Variants in ZNF536 observed in about 807,000 individuals in gnomAD.
ZNF536 encodes the protein zinc finger protein 536.
A neutral mutation model predicts 84.5 loss-of-function variants in ZNF536; 13 were observed. The observed-to-expected ratio is 0.15, with a 90% CI of 0.10 to 0.24. The LOEUF (loss-of-function observed/expected upper bound fraction) is 0.24, where lower values mean the gene tolerates loss of function less well. Ranked by LOEUF, ZNF536 falls within the 10% of genes least tolerant of loss-of-function variation. ZNF536 has a pLI of 1.00. For synonymous variants in ZNF536, 811 were observed against 742.5 expected, an observed-to-expected ratio of 1.09 and a Z score of -1.50; for missense variants, 1,536 against 1,747.5, an observed-to-expected ratio of 0.88 and a Z score of 2.16.
intron 2 of ZNF536, among the ~76,000 whole-genome samples, chr19:30,450,184 G>A (rs1388384964): frequency 6.6e-6 from 1 of 150,556 alleles, no homozygotes; most frequent in Non-Finnish European, 1.5e-5. Context: ...CCAGTAGACT[G>A]AGCACCCTAT....
chr19:30,525,971 A>G (rs992559201), intron 2 of ZNF536, among the ~76,000 whole-genome samples: 4 of 152,210 alleles, frequency 2.6e-5, no homozygotes, highest in Non-Finnish European at 5.9e-5. Context: ...CCTGCCCCCA[A>G]CCAGAGGCTG....
In ZNF536 at chr19:30,590,121, G is replaced by A. The variant is rs140878990; in HGVS notation, c.169+40607G>A. 8.1e-4 allele frequency among the ~76,000 whole-genome samples: 124 copies of A among 152,324 alleles called. 1 individual carries two copies. The highest frequency in any genetic ancestry group is 2.2e-3 in the African/African-American group (93 of 41,570). On this transcript the variant is annotated intron_variant, in intron 1 of 1. Transcript: ENST00000592773. ...CTCCTTCTCTCCAGCAGGCCTGGGC[G>A]GTGTTGATGTTGGCCATGTCAACCC... is the stretch of plus-strand genomic sequence containing the variant.
At chr19:30,499,701 A>G (rs1278584933) in intron 2 of ZNF536, among the ~76,000 whole-genome samples, 1 of 152,198 alleles carries the variant, frequency 6.6e-6, no homozygotes, top group African/African-American at 2.4e-5. Flanking sequence ...TTCTTTTCCT[A>G]CAGCAGTTGT....
intron 2 of ZNF536, among the ~76,000 whole-genome samples, chr19:30,307,992 A>G (rs1018785751): frequency 6.6e-6 from 1 of 152,248 alleles, no homozygotes; most frequent in African/African-American, 2.4e-5. Flanking sequence ...GCTTTATTTT[A>G]TGATATTAAA....
intron 3 of ZNF536, chr19:30,352,548 T>A (rs1363370354): frequency 1.3e-5 from 2 of 152,230 alleles, no homozygotes; most frequent in African/African-American, 4.8e-5. Context: ...TTCTGCCTTG[T>A]TGCGTTGACC....
At chr19:30,356,395 C>T (rs2048096534) in intron 3 of ZNF536, among the ~76,000 whole-genome samples, 1 of 152,240 alleles carries the variant, frequency 6.6e-6, no homozygotes. Flanking sequence ...TGTCCCGAGT[C>T]AGCCCCTCCG....
At chr19:30,652,027 G>T (rs969557426) in intron 1 of ZNF536, among the ~76,000 whole-genome samples, 5 of 152,312 alleles carry the variant, frequency 3.3e-5, no homozygotes, top group African/African-American at 9.6e-5. Flanking sequence ...CTGCTGAAAT[G>T]TCTCAGTCTT....
At chr19:30,480,601 A>C (rs577077438) in intron 2 of ZNF536, among the ~76,000 whole-genome samples, 1 of 152,170 alleles carries the variant, frequency 6.6e-6, no homozygotes, top group Non-Finnish European at 1.5e-5. Context: ...TAATGCATGC[A>C]GGGCTTAAAA....
intron 1 of ZNF536, among the ~76,000 whole-genome samples, chr19:30,655,217 A>T (rs1468858251): frequency 6.6e-6 from 1 of 152,176 alleles, no homozygotes; most frequent in Non-Finnish European, 1.5e-5. Context: ...ATCAGCACTT[A>T]ATGGGTCTTG....
intron 1 of ZNF536, among the ~76,000 whole-genome samples, chr19:30,607,224 C>T (rs2047933009): frequency 6.6e-6 from 1 of 152,158 alleles, no homozygotes; most frequent in African/African-American, 2.4e-5. Flanking sequence ...CTGAGTGTGG[C>T]TGTAACTTGC....
At chr19:30,479,194 C>A (rs1353327550) in intron 2 of ZNF536, among the ~76,000 whole-genome samples, 1 of 152,146 alleles carries the variant, frequency 6.6e-6, no homozygotes, top group Non-Finnish European at 1.5e-5. Flanking sequence ...CGGTGTTGGG[C>A]ACAAGCAGCT....
At chr19:30,546,863 G>C (rs1043784164) in intron 3 of ZNF536, among the ~76,000 whole-genome samples, 1 of 152,158 alleles carries the variant, frequency 6.6e-6, no homozygotes, top group Admixed American at 6.5e-5. Context: ...CAAATTCTTG[G>C]AATATATTTA....
intron 2 of ZNF536, among the ~76,000 whole-genome samples, chr19:30,462,923 G>A (rs2053216988): frequency 6.9e-6 from 1 of 145,246 alleles, no homozygotes; most frequent in Admixed American, 6.9e-5. Context: ...TGTGTGTTGT[G>A]TGGATAAGGA....
At chr19:30,594,447 C>T (rs537425105) in intron 1 of ZNF536, among the ~76,000 whole-genome samples, 8 of 152,334 alleles carry the variant, frequency 5.3e-5, no homozygotes, top group South Asian at 2.1e-4. Flanking sequence ...CCCTGCTCCC[C>T]GTGTGAAAGT....
chr19:30,369,217 C>A (rs2048533781), upstream of ZNF536, among the ~76,000 whole-genome samples: 1 of 152,156 alleles, frequency 6.6e-6, no homozygotes, highest in Admixed American at 6.5e-5. Context: ...TTATCAGTTT[C>A]AGCTTCAAGA....
chr19:30,518,174 C>T lies in ZNF536; in HGVS notation c.2171-16673C>T, dbSNP rs551592015. On this transcript the variant is annotated intron_variant, in intron 2 of 4. Transcript: ENST00000355537. ...TCCAAGCACGGTCCAGCCATCACCT[C>T]GCAGCTGGCCCTGTCACCTCCTGTT... Among the ~76,000 whole-genome samples, 98 of 152,308 alleles carry T rather than the reference C, an allele frequency of 6.4e-4. 1 individual carries two copies. Among genetic ancestry groups the T allele is most frequent in the African/African-American group, 2.3e-3 (96 of 41,568 alleles).
intron 1 of ZNF536, among the ~76,000 whole-genome samples, chr19:30,277,017 T>C (rs2026165236): frequency 6.6e-6 from 1 of 152,224 alleles, no homozygotes; most frequent in Non-Finnish European, 1.5e-5. Flanking sequence ...ATTTTGTCCC[T>C]GTAATTACAG....
At chr19:30,358,647 G>A (rs1303175873) in intron 3 of ZNF536, among the ~76,000 whole-genome samples, 1 of 152,228 alleles carries the variant, frequency 6.6e-6, no homozygotes, top group Non-Finnish European at 1.5e-5. Context: ...TTTCTGATAT[G>A]CAGGAATGGC....
chr19:30,611,887 A>T (rs1252313792), intron 1 of ZNF536, among the ~76,000 whole-genome samples: 1 of 152,092 alleles, frequency 6.6e-6, no homozygotes, highest in African/African-American at 2.4e-5. Flanking sequence ...TGCCCTTTGG[A>T]CTTGGTTTTC....
Sources: allele counts gnomAD v4.1 joint callset (sites outside exome capture counted in the v4.1 genomes callset), GRCh38; gene constraint gnomAD v4.1.1; transcripts MANE v1.5; gene names NCBI Gene and HGNC (gene_info 2026-07-23, HGNC 2026-07-21).